Variants in SLIT3 observed in about 807,000 individuals in gnomAD.
SLIT3 encodes the protein slit guidance ligand 3, also known as slit homolog 3 protein.
A neutral mutation model predicts 184.0 loss-of-function variants in SLIT3; 68 were observed. The observed-to-expected ratio is 0.37, with a 90% CI of 0.30 to 0.45. SLIT3 has a LOEUF of 0.45. Ranked by LOEUF, SLIT3 falls within the 20% of genes least tolerant of loss-of-function variation. SLIT3 has a pLI of 1.00. For synonymous variants in SLIT3, 831 were observed against 828.6 expected (o/e 1.00, Z -0.05); for missense variants, 1,707 against 2,026.0 (o/e 0.84, Z 3.02).
In SLIT3 at chr5:168,681,007, G is replaced by T. The variant is rs544487052; in HGVS notation, c.3686+2959C>A. 1.4e-4 allele frequency among the ~76,000 whole-genome samples: 21 copies of T among 152,248 alleles called. 2 individuals are homozygous for T. In the South Asian group the frequency reaches 4.4e-3, roughly 32 times the overall value. On this transcript the variant is annotated intron_variant, in intron 32 of 35. Transcript: ENST00000519560. ...CTCTTCCAGAAAAAAACAAAAATTA[G>T]ACGTTGTGATGCACACCTGCAGTCC...
chr5:168,843,554 G>C (rs1248480777), intron 6 of SLIT3, among the ~76,000 whole-genome samples: 8 of 152,188 alleles, frequency 5.3e-5, no homozygotes, highest in Non-Finnish European at 8.8e-5. Context: ...TCCCAAGACA[G>C]AGCAACCAAC....
At chr5:168,889,958 C>A (rs968231286) in intron 4 of SLIT3, among the ~76,000 whole-genome samples, 13 of 152,022 alleles carry the variant, frequency 8.6e-5, no homozygotes, top group African/African-American at 3.1e-4. Flanking sequence ...GCCTCGCCAA[C>A]ATGGTGAAAC....
intron 4 of SLIT3, among the ~76,000 whole-genome samples, chr5:169,008,608 G>A (rs1225192486): frequency 1.3e-5 from 2 of 152,244 alleles, no homozygotes; most frequent in African/African-American, 4.8e-5. Context: ...TGAGCCACAC[G>A]GTCTCTCTGT....
At chr5:169,057,907 G>A (rs958633291) in intron 4 of SLIT3, among the ~76,000 whole-genome samples, 1 of 152,176 alleles carries the variant, frequency 6.6e-6, no homozygotes, top group African/African-American at 2.4e-5. Flanking sequence ...TCTTTTATGG[G>A]GAAGGTGTAG....
At chr5:169,055,911 C>T (rs1159406663) in intron 4 of SLIT3, among the ~76,000 whole-genome samples, 2 of 151,796 alleles carry the variant, frequency 1.3e-5, no homozygotes, top group South Asian at 4.2e-4. Flanking sequence ...GCTGTGTTGG[C>T]CATCATACGA....
chr5:168,807,398 A>G (rs1757004975), intron 8 of SLIT3, among the ~76,000 whole-genome samples: 1 of 152,250 alleles, frequency 6.6e-6, no homozygotes, highest in African/African-American at 2.4e-5. Context: ...TACAAGAAGT[A>G]AATGCAAATG....
At chr5:169,026,125 T>C (rs1432903) in intron 4 of SLIT3, among the ~76,000 whole-genome samples, 6,035 of 152,216 alleles carry the variant, frequency 0.04, 407 homozygotes, top group African/African-American at 0.14. Flanking sequence ...CTGGGTGTGG[T>C]GACTCCCTGG....
intron 4 of SLIT3, among the ~76,000 whole-genome samples, chr5:169,004,173 A>G (rs1755824814): frequency 6.6e-6 from 1 of 151,994 alleles, no homozygotes; most frequent in African/African-American, 2.4e-5. Context: ...AAAAAAACAC[A>G]CACACCAAAA....
At chr5:168,813,313 GAAAAAAAAAA>G (rs34737518) in intron 8 of SLIT3, among the ~76,000 whole-genome samples, 2 of 135,048 alleles carry the variant, frequency 1.5e-5, no homozygotes, top group African/African-American at 5.3e-5. Flanking sequence ...AGATAAGGAT[GAAAAAAAAAA>G]AAAAAAACCA....
chr5:168,704,109 T>A (rs1190004044), intron 26 of SLIT3, among the ~76,000 whole-genome samples: 18 of 149,890 alleles, frequency 1.2e-4, no homozygotes, highest in Admixed American at 8.0e-4. Context: ...AAAAAAAAAA[T>A]GCACACTCTC....
At chr5:169,152,228 A>T (rs982508713) in intron 4 of SLIT3, among the ~76,000 whole-genome samples, 3 of 152,174 alleles carry the variant, frequency 2.0e-5, no homozygotes, top group African/African-American at 7.2e-5. Context: ...CACAAATTTA[A>T]ATTGAGCAAA....
At chr5:168,957,296 C>G (rs1581244701) in intron 4 of SLIT3, among the ~76,000 whole-genome samples, 1 of 151,730 alleles carries the variant, frequency 6.6e-6, no homozygotes. Flanking sequence ...GAACTCCTGA[C>G]CTCAAGTGAT....
At chr5:168,807,553 C>T (rs1042984372) in intron 8 of SLIT3, among the ~76,000 whole-genome samples, 1 of 152,276 alleles carries the variant, frequency 6.6e-6, no homozygotes, top group Non-Finnish European at 1.5e-5. Flanking sequence ...GGACCTCATC[C>T]TACTGCTGCT....
intron 23 of SLIT3, among the ~76,000 whole-genome samples, chr5:168,721,865 C>T (rs867755066): frequency 6.6e-6 from 1 of 152,130 alleles, no homozygotes; most frequent in African/African-American, 2.4e-5. Flanking sequence ...TGCATTGCCC[C>T]TCTGAGGAAA....
At chr5:169,272,206 G>A (rs1021706845) in intron 1 of SLIT3, among the ~76,000 whole-genome samples, 8 of 152,242 alleles carry the variant, frequency 5.3e-5, no homozygotes, top group African/African-American at 1.9e-4. Context: ...CAGAGTCCCT[G>A]TTCCGTTTGC....
intron 5 of SLIT3, among the ~76,000 whole-genome samples, chr5:168,852,217 A>C (rs571171962): frequency 8.8e-4 from 134 of 152,328 alleles, no homozygotes; most frequent in Middle Eastern, 3.4e-3. Context: ...AAGAAGCGAG[A>C]AACTGGGAAG....
chr5:169,228,536 T>C (rs370467173), intron 3 of SLIT3, among the ~76,000 whole-genome samples: 1 of 152,202 alleles, frequency 6.6e-6, no homozygotes, highest in African/African-American at 2.4e-5. Flanking sequence ...CTTTAATACA[T>C]TTAACATGTC....
chr5:168,669,533 A>G (rs940336014), intron 35 of SLIT3, among the ~76,000 whole-genome samples: 2 of 152,252 alleles, frequency 1.3e-5, no homozygotes, highest in African/African-American at 4.8e-5. Flanking sequence ...TGTAGGCTAA[A>G]AAAAATGTTT....
intron 4 of SLIT3, chr5:169,022,990 T>C (rs544970518): frequency 2.0e-5 from 3 of 152,314 alleles, no homozygotes; most frequent in African/African-American, 7.2e-5. Context: ...AGTCCAGTAT[T>C]GTTTGTACTT....
Sources: gnomAD v4.1 joint callset for allele counts (sites outside exome capture counted in the v4.1 genomes callset) on GRCh38, gnomAD v4.1.1 for gene constraint, MANE v1.5 for transcripts, NCBI Gene and HGNC (gene_info 2026-07-23, HGNC 2026-07-21) for gene names.